VIPR2: variants seen among roughly 807,000 people sequenced by gnomAD.
VIPR2 encodes vasoactive intestinal peptide receptor 2, also known as vasoactive intestinal polypeptide receptor 2.
A neutral mutation model predicts 58.0 loss-of-function variants in VIPR2; 48 were observed. That is an observed-to-expected ratio of 0.83 (90% CI 0.66 to 1.05). The LOEUF is 1.05. Ranked by LOEUF, VIPR2 falls within the 50% of genes least tolerant of loss-of-function variation. The pLI, the probability that VIPR2 is intolerant of heterozygous loss-of-function variation, is 0.00. For synonymous variants in VIPR2, 243 were observed against 235.2 expected (o/e 1.03, Z -0.30); for missense variants, 534 against 558.0 (o/e 0.96, Z 0.43).
At chr7:159,055,104 TA>T (rs1474313267) in intron 5 of VIPR2, among the ~76,000 whole-genome samples, 1 of 152,220 alleles carries the variant, frequency 6.6e-6, no homozygotes, top group East Asian at 1.9e-4. Flanking sequence ...AAATACATCA[TA>T]TTTTTTTGAG....
At chr7:159,071,958 C>T (rs1856425740) in intron 4 of VIPR2, among the ~76,000 whole-genome samples, 2 of 141,812 alleles carry the variant, frequency 1.4e-5, no homozygotes. Context: ...AGTCCCATGT[C>T]TCTAGGCTGG....
intron 4 of VIPR2, among the ~76,000 whole-genome samples, chr7:159,070,393 G>A (rs1323212190): frequency 6.6e-6 from 1 of 152,100 alleles, no homozygotes; most frequent in Non-Finnish European, 1.5e-5. Context: ...CATTTTAAAG[G>A]ATTATTGTTA....
At chr7:159,109,083 A>G (rs748722497) in intron 3 of VIPR2, among the ~76,000 whole-genome samples, 1 of 152,226 alleles carries the variant, frequency 6.6e-6, no homozygotes, top group Non-Finnish European at 1.5e-5. Context: ...CCTCTGTCCA[A>G]GATAAAAGTA....
chr7:159,071,442 G>A (rs142360424), intron 4 of VIPR2, among the ~76,000 whole-genome samples: 103 of 152,330 alleles, frequency 6.8e-4, no homozygotes, highest in African/African-American at 2.4e-3. Context: ...TCTTGGCTCT[G>A]AGCATCTCCC....
rs550948643 is a variant in VIPR2, at chr7:159,060,466, T to C, written c.358-1888A>G. On this transcript the variant is annotated intron_variant, in intron 4 of 12. Coordinates refer to ENST00000262178, the MANE Select transcript of VIPR2 (RefSeq NM_003382.5). ...CACCACTCTCAATTCATCTAACCCA[T>C]ACTCACTTCGCTTACCCACCATATT... Among the ~76,000 whole-genome samples, 4 of 152,004 alleles carry C rather than the reference T, an allele frequency of 2.6e-5. No homozygotes were observed. In the East Asian group the frequency reaches 7.7e-4, roughly 29 times the overall value.
chr7:159,051,835 G>A lies in VIPR2; in HGVS notation c.455+6646C>T, dbSNP rs78219996. On this transcript the variant is annotated intron_variant, in intron 5 of 12. Coordinates refer to ENST00000262178, the MANE Select transcript of VIPR2 (RefSeq NM_003382.5). ...AATGACATAGCCTTAAAATATAGAT[G>A]GTAAACAGTGAAAGAATTAAAAGGA... Among the ~76,000 whole-genome samples, 272 of 152,144 alleles carry A rather than the reference G, an allele frequency of 1.8e-3. 9 individuals are homozygous for A. The East Asian group carries it at 0.049, about 28-fold the overall frequency.
chr7:159,030,487 A>T lies in VIPR2; in HGVS notation c.*129T>A. On this transcript the variant is annotated 3_prime_UTR_variant, in exon 13 of 13. Coordinates refer to ENST00000262178, the MANE Select transcript of VIPR2 (RefSeq NM_003382.5). ...TGGGGTTTAGTGGACAACCAGCTTG[A>T]CGGAGTCAGGACCGCGCTGACCTGC... 8.6e-7 allele frequency: 1 copy of T among 1,168,910 alleles called. No individual in the cohort carries two copies. Among genetic ancestry groups the T allele is most frequent in the Non-Finnish European group, 1.2e-6 (1 of 868,528 alleles). 72.4% of individuals were successfully genotyped at this position (1,168,910 alleles called of 1,614,324 possible). A position where few individuals can be genotyped will look rare whatever the true frequency, so the allele number is the denominator to read the frequency against.
chr7:159,112,483 C>G (rs963862358), intron 2 of VIPR2, among the ~76,000 whole-genome samples: 3 of 152,228 alleles, frequency 2.0e-5, no homozygotes, highest in Non-Finnish European at 4.4e-5. Context: ...ACGCAAAGGA[C>G]AGCCAAAAAT....
chr7:159,039,326 A>AC (rs1854172673), intron 6 of VIPR2, among the ~76,000 whole-genome samples: 2 of 146,904 alleles, frequency 1.4e-5, no homozygotes, highest in Non-Finnish European at 3.0e-5. Context: ...CACACACACA[A>AC]AATTAGCTGG....
intron 2 of VIPR2, among the ~76,000 whole-genome samples, chr7:159,115,194 A>C (rs1796191528): frequency 6.6e-6 from 1 of 152,240 alleles, no homozygotes; most frequent in Non-Finnish European, 1.5e-5. Context: ...CCATCACACC[A>C]GCATTTCCAC....
Position 159,097,740 on chromosome 7 carries a change from A to G in VIPR2, c.357+6017T>C, listed in dbSNP as rs996102929. On this transcript the variant is annotated intron_variant, in intron 4 of 12. Transcript: ENST00000262178. The surrounding 1 kb of genome is among the most constrained non-coding windows in gnomAD (Gnocchi z 5.3). ...GGCACCTTTCAGAAGCTGAGCAGCA[A>G]TTGTAGCCAGTTGGGACACACAGAC... Among the ~76,000 whole-genome samples, 30 of 152,198 alleles carry G rather than the reference A, an allele frequency of 2.0e-4. No individual in the cohort carries two copies. The highest frequency in any genetic ancestry group is 7.2e-4 in the African/African-American group (30 of 41,470).
chr7:159,112,815 A>C (rs981654506), intron 2 of VIPR2, among the ~76,000 whole-genome samples: 8 of 149,136 alleles, frequency 5.4e-5, no homozygotes, highest in Non-Finnish European at 1.0e-4. Flanking sequence ...CCCGACTGTG[A>C]AGAGGAGGCT....
At chr7:159,080,419 C>T (rs557553530) in intron 4 of VIPR2, among the ~76,000 whole-genome samples, 3 of 152,064 alleles carry the variant, frequency 2.0e-5, no homozygotes, top group South Asian at 4.1e-4. Context: ...ATTCAACAAC[C>T]CTTCATGTTA....
At chr7:159,058,690 C>T (rs928236473) in intron 4 of VIPR2, 112 bp from the exon 5 acceptor site, 22 of 784,614 alleles carry the variant, frequency 2.8e-5, no homozygotes, top group Non-Finnish European at 4.6e-5. Flanking sequence ...TCTTGCCTGC[C>T]TGGAAGGCAC....
chr7:159,042,413 T>G (rs1854407900), intron 6 of VIPR2, among the ~76,000 whole-genome samples: 1 of 152,194 alleles, frequency 6.6e-6, no homozygotes, highest in African/African-American at 2.4e-5. Flanking sequence ...CTGACTTGAT[T>G]AGGTACTATA....
intron 2 of VIPR2, among the ~76,000 whole-genome samples, chr7:159,113,696 T>A (rs775119850): frequency 6.6e-6 from 1 of 152,164 alleles, no homozygotes; most frequent in Non-Finnish European, 1.5e-5. Flanking sequence ...CTGGATATTA[T>A]GTGGCTCAAC....
At chr7:159,135,958 C>G (rs778721270) in intron 2 of VIPR2, among the ~76,000 whole-genome samples, 35 of 152,208 alleles carry the variant, frequency 2.3e-4, no homozygotes, top group Non-Finnish European at 4.4e-4. Flanking sequence ...CAGGGAATCA[C>G]AGGACTGGGT....
intron 4 of VIPR2, among the ~76,000 whole-genome samples, chr7:159,073,884 A>G (rs1856521319): frequency 6.6e-6 from 1 of 152,096 alleles, no homozygotes; most frequent in Non-Finnish European, 1.5e-5. Context: ...CTTTTTTTCT[A>G]CAGGAAGAAA....
chr7:159,117,503 C>T (rs1796283780), intron 2 of VIPR2: 1 of 692,754 alleles, frequency 1.4e-6, no homozygotes, highest in Middle Eastern at 3.2e-4. Context: ...GCTGCACCTG[C>T]TGACCTGAGT....
Sources: gnomAD v4.1 joint callset for allele counts (sites outside exome capture counted in the v4.1 genomes callset) on GRCh38, gnomAD v4.1.1 for gene constraint, Gnocchi (gnomAD v3.1) non-coding constraint, MANE v1.5 for transcripts, NCBI Gene and HGNC (gene_info 2026-07-23, HGNC 2026-07-21) for gene names.